Variants in DDAH1 observed in about 807,000 individuals in gnomAD.
DDAH1 encodes N(G),N(G)-dimethylarginine dimethylaminohydrolase 1.
A neutral mutation model predicts 28.8 loss-of-function variants in DDAH1; 19 were observed. That is an observed-to-expected ratio of 0.66 (90% CI 0.46 to 0.97). The LOEUF (loss-of-function observed/expected upper bound fraction) is 0.97, where lower values mean the gene tolerates loss of function less well. Among genes scored for constraint, DDAH1 ranks in the 50% least tolerant of loss-of-function variants. The pLI is 0.00. For missense variants in DDAH1, 326 were observed against 375.9 expected (o/e 0.87, Z 1.10); for synonymous variants, 153 against 154.4 (o/e 0.99, Z 0.07).
intron 2 of DDAH1, among the ~76,000 whole-genome samples, chr1:85,352,839 T>C (rs233084): frequency 0.054 from 8,254 of 152,180 alleles, 773 homozygotes; most frequent in African/African-American, 0.19. Context: ...ACAGTTTCCA[T>C]GAACCTATCA....
chr1:85,556,143 TTCCTCCTTC>T (rs1302106103), intron 1 of DDAH1, among the ~76,000 whole-genome samples: 10 of 150,726 alleles, frequency 6.6e-5, no homozygotes, highest in African/African-American at 9.8e-5. Flanking sequence ...TCCTTTCCCC[TTCCTCCTTC>T]TCCTCCTTCT....
chr1:85,572,029 A>G (rs906946153), intron 1 of DDAH1, among the ~76,000 whole-genome samples: 2 of 152,080 alleles, frequency 1.3e-5, no homozygotes, highest in Non-Finnish European at 2.9e-5. Context: ...GAGGATAACC[A>G]CAGGCTGTGG....
chr1:85,534,063 A>G (rs1184529344), intron 1 of DDAH1, among the ~76,000 whole-genome samples: 1 of 152,330 alleles, frequency 6.6e-6, no homozygotes, highest in Admixed American at 6.5e-5. Context: ...CAATCAATCA[A>G]TCAGTGAATG....
chr1:85,351,604 G>C (rs531266856), intron 2 of DDAH1, 25 bp from the exon 3 acceptor site: 1 of 1,568,758 alleles, frequency 6.4e-7, no homozygotes, highest in African/African-American at 1.4e-5. Context: ...ATGGAACATA[G>C]TGAGCAGGTG....
At position 85,569,360 on chromosome 1, in the gene DDAH1, G is replaced by C. The variant is rs74598465; in HGVS notation, c.-123+8624C>G. Among the ~76,000 whole-genome samples the C allele has an allele frequency of 8.5e-3, 1,296 of 152,294 alleles. 18 individuals are homozygous for C. Among genetic ancestry groups the C allele is most frequent in the African/African-American group, 0.03 (1,252 of 41,564 alleles). Reference sequence around the variant, plus strand: ...GACTCACAACTCAGCACACTTGTTAGTTCCTATGTACTGACACCAAATTGT... The same window carrying C: ...GACTCACAACTCAGCACACTTGTTACTTCCTATGTACTGACACCAAATTGT... On this transcript the variant is annotated intron_variant, in intron 1 of 6. Coordinates refer to the DDAH1 transcript ENST00000426972.
At chr1:85,402,789 G>T (rs185575884) in intron 1 of DDAH1, among the ~76,000 whole-genome samples, 3 of 151,600 alleles carry the variant, frequency 2.0e-5, no homozygotes, top group Admixed American at 2.0e-4. Context: ...GGCACCTGTA[G>T]TTCCAGCTAC....
intron 2 of DDAH1, among the ~76,000 whole-genome samples, chr1:85,472,524 C>T (rs192243100): frequency 7.2e-4 from 110 of 152,236 alleles, no homozygotes; most frequent in Middle Eastern, 3.4e-3. Context: ...GTCCCCACAC[C>T]GCTCTTATGC....
At chr1:85,410,959 G>C (rs1304343059) in intron 1 of DDAH1, among the ~76,000 whole-genome samples, 1 of 152,110 alleles carries the variant, frequency 6.6e-6, no homozygotes, top group Non-Finnish European at 1.5e-5. Flanking sequence ...CAGTATAAAA[G>C]GGTAGAGTCA....
intron 1 of DDAH1, among the ~76,000 whole-genome samples, chr1:85,377,743 C>G (rs541104648): frequency 6.7e-6 from 1 of 149,630 alleles, no homozygotes; most frequent in South Asian, 2.1e-4. Context: ...GACACACACA[C>G]ACATTCAGTA....
intron 4 of DDAH1, among the ~76,000 whole-genome samples, chr1:85,333,684 A>G (rs1473010736): frequency 2.6e-5 from 4 of 152,140 alleles, no homozygotes; most frequent in Non-Finnish European, 5.9e-5. Context: ...AATGAATGAA[A>G]TAAAAAATGC....
At chr1:85,435,998 A>G (rs1653925204) in intron 1 of DDAH1, among the ~76,000 whole-genome samples, 1 of 149,826 alleles carries the variant, frequency 6.7e-6, no homozygotes, top group South Asian at 2.1e-4. Context: ...ATGGAGTTTC[A>G]CTATGTTGTC....
rs979349875 is a variant in DDAH1, at chr1:85,358,744, A to T, written c.403+4T>A. The T allele has an allele frequency of 6.4e-7, 1 of 1,571,526 alleles. No individual in the cohort carries two copies. Among genetic ancestry groups the T allele is most frequent in the Non-Finnish European group, 8.7e-7 (1 of 1,144,470 alleles). ...TTGGATAGAAAAAATAAATACAACT[A>T]TACCTGTGAATAAAACATCTCCGCC... On this transcript the variant is annotated splice_donor_region_variant and intron_variant, in intron 2 of 5. Transcript: ENST00000284031.
chr1:85,325,820 C>T (rs1232466589), intron 4 of DDAH1, among the ~76,000 whole-genome samples: 1 of 152,160 alleles, frequency 6.6e-6, no homozygotes, highest in East Asian at 1.9e-4. Context: ...TAAAAACCCA[C>T]AAAAACAAAT....
intron 1 of DDAH1, among the ~76,000 whole-genome samples, chr1:85,420,787 CA>C (rs1349353687): frequency 6.6e-6 from 1 of 152,196 alleles, no homozygotes; most frequent in African/African-American, 2.4e-5. Flanking sequence ...TCCACATTTT[CA>C]AGTGTCTTTA....
At chr1:85,557,741 C>A (rs958468046) in intron 1 of DDAH1, among the ~76,000 whole-genome samples, 3 of 152,084 alleles carry the variant, frequency 2.0e-5, no homozygotes, top group Non-Finnish European at 2.9e-5. Context: ...TAAGTGAGAT[C>A]ATTCAGGGGG....
intron 1 of DDAH1, among the ~76,000 whole-genome samples, chr1:85,573,423 T>C (rs909426585): frequency 7.2e-5 from 11 of 152,244 alleles, no homozygotes; most frequent in African/African-American, 2.4e-4. Flanking sequence ...ACAATTATTA[T>C]ATTTCATATT....
intron 1 of DDAH1, among the ~76,000 whole-genome samples, chr1:85,454,057 C>T (rs1654776937): frequency 6.7e-6 from 1 of 149,212 alleles, no homozygotes; most frequent in African/African-American, 2.5e-5. Context: ...CTGGATGCTA[C>T]TGCTTCCTAC....
intron 1 of DDAH1, among the ~76,000 whole-genome samples, chr1:85,570,557 G>T (rs1659425626): frequency 6.6e-6 from 1 of 152,144 alleles, no homozygotes; most frequent in South Asian, 2.1e-4. Context: ...TACTTCCTTA[G>T]TTATTTTTAA....
At chr1:85,341,352 C>G (rs769109033) in intron 4 of DDAH1, among the ~76,000 whole-genome samples, 8 of 152,172 alleles carry the variant, frequency 5.3e-5, no homozygotes, top group Admixed American at 2.0e-4. Flanking sequence ...ATCTTAGCTG[C>G]TTTTCCTATC....
Sources: gnomAD v4.1 joint callset for allele counts (sites outside exome capture counted in the v4.1 genomes callset) on GRCh38, gnomAD v4.1.1 for gene constraint, MANE v1.5 for transcripts, NCBI Gene and HGNC (gene_info 2026-07-23, HGNC 2026-07-21) for gene names.